PI4K2A: variants seen among roughly 807,000 people sequenced by gnomAD.
The protein encoded by PI4K2A is phosphatidylinositol 4-kinase type 2-alpha.
PI4K2A carries 20 observed loss-of-function variants against 55.0 expected under a neutral mutation model. The ratio of observed to expected loss-of-function variants is 0.36; its 90% CI spans 0.26 to 0.53. PI4K2A has a LOEUF of 0.53. Among genes scored for constraint, PI4K2A ranks in the 20% least tolerant of loss-of-function variants. The pLI, the probability that PI4K2A is intolerant of heterozygous loss-of-function variation, is 0.91. For missense variants in PI4K2A, 463 were observed against 637.1 expected (o/e 0.73, Z 2.94); for synonymous variants, 235 against 258.5 (o/e 0.91, Z 0.87).
At chr10:97,671,826 A>C (rs1189650944) in intron 8 of PI4K2A, among the ~76,000 whole-genome samples, 1 of 150,888 alleles carries the variant, frequency 6.6e-6, no homozygotes, top group Non-Finnish European at 1.5e-5. Flanking sequence ...TTTTGTAGAG[A>C]TGGGGTTTCT....
chr10:97,643,573 A>T (rs2041489472), intron 1 of PI4K2A, among the ~76,000 whole-genome samples: 3 of 152,126 alleles, frequency 2.0e-5, no homozygotes, highest in African/African-American at 7.2e-5. Context: ...TGATTTAGGG[A>T]TTCCAGTCTC....
intron 1 of PI4K2A, among the ~76,000 whole-genome samples, chr10:97,647,025 A>G (rs2041508361): frequency 6.6e-6 from 1 of 150,852 alleles, no homozygotes; most frequent in Non-Finnish European, 1.5e-5. Flanking sequence ...CAAATGATCC[A>G]CCTGCCTTGG....
At chr10:97,674,375 T>C (rs996528745) in exon 9 of PI4K2A, 1 of 152,278 alleles carries the variant, frequency 6.6e-6, no homozygotes, top group East Asian at 1.9e-4. Flanking sequence ...ACAGTTCTCC[T>C]GGAAGGGAGG....
exon 9 of PI4K2A, chr10:97,676,045 G>A (rs2041662867): frequency 1.3e-5 from 2 of 152,614 alleles, no homozygotes; most frequent in Non-Finnish European, 2.9e-5. Context: ...AACAAATACA[G>A]TTCTGACCTT....
At chr10:97,666,473 G>A in exon 7 of PI4K2A, 1 of 1,613,746 alleles carries the variant, frequency 6.2e-7, no homozygotes. Flanking sequence ...CCAGGCGAAA[G>A]TCCCATTTTC....
At chr10:97,648,592 CT>C (rs1471952600) in intron 1 of PI4K2A, among the ~76,000 whole-genome samples, 21 of 152,328 alleles carry the variant, frequency 1.4e-4, no homozygotes, top group African/African-American at 4.6e-4. Context: ...GTAGGAGTGT[CT>C]TGGCCTCCTT....
chr10:97,648,120 TA>T (rs1169541267), intron 1 of PI4K2A, among the ~76,000 whole-genome samples: 1 of 147,424 alleles, frequency 6.8e-6, no homozygotes, highest in African/African-American at 2.5e-5. Context: ...TTTGAGATGC[TA>T]TTTCGCTCAT....
chr10:97,645,956 A>G (rs1305137000), intron 1 of PI4K2A, among the ~76,000 whole-genome samples: 1 of 152,028 alleles, frequency 6.6e-6, no homozygotes, highest in African/African-American at 2.4e-5. Context: ...TTTTCCTCCA[A>G]CCTATACCAT....
intron 4 of PI4K2A, among the ~76,000 whole-genome samples, chr10:97,660,777 C>G (rs937389139): frequency 7.9e-5 from 12 of 151,502 alleles, no homozygotes; most frequent in African/African-American, 2.7e-4. Context: ...CTTCTCTGAC[C>G]CATAGTTTAC....
chr10:97,672,049 CTT>C (rs112040417), intron 8 of PI4K2A, among the ~76,000 whole-genome samples: 6 of 140,538 alleles, frequency 4.3e-5, no homozygotes, highest in South Asian at 2.2e-4. Flanking sequence ...TAATTTCTTT[CTT>C]TTTTTTTTTT....
At chr10:97,641,475 C>T (rs768895119) in intron 1 of PI4K2A, among the ~76,000 whole-genome samples, 16 of 152,186 alleles carry the variant, frequency 1.1e-4, no homozygotes, top group African/African-American at 1.7e-4. Context: ...AGACTGCTTT[C>T]TAGTAGGGTA....
chr10:97,673,504 CT>C (rs2041646386), intron 8 of PI4K2A, 76 bp from the exon 9 acceptor site: 1 of 1,234,350 alleles, frequency 8.1e-7, no homozygotes, highest in South Asian at 1.3e-5. Flanking sequence ...TAGGCGTCCT[CT>C]CTACTGATCT....
intron 1 of PI4K2A, among the ~76,000 whole-genome samples, chr10:97,648,632 A>G (rs1259709061): frequency 6.6e-6 from 1 of 152,228 alleles, no homozygotes; most frequent in Non-Finnish European, 1.5e-5. Flanking sequence ...ACTGAACTCC[A>G]TAATGTGCCT....
intron 8 of PI4K2A, 139 bp from the exon 9 acceptor site, chr10:97,673,442 G>T: frequency 1.7e-6 from 1 of 592,622 alleles, no homozygotes; most frequent in Non-Finnish European, 2.9e-6. Flanking sequence ...TTTTACTTTT[G>T]TAAATGGCCT....
intron 1 of PI4K2A, among the ~76,000 whole-genome samples, chr10:97,647,468 A>T (rs945537380): frequency 1.3e-5 from 2 of 152,216 alleles, no homozygotes; most frequent in African/African-American, 2.4e-5. Context: ...TGAGAAGAGT[A>T]TTCTTGATTA....
chr10:97,671,718 A>C (rs774037008), intron 8 of PI4K2A, among the ~76,000 whole-genome samples: 55 of 152,000 alleles, frequency 3.6e-4, no homozygotes, highest in Non-Finnish European at 7.4e-4. Context: ...CACCTCACTG[A>C]AACCTCCGCC....
chr10:97,647,652 A>G (rs2041511862), intron 1 of PI4K2A, among the ~76,000 whole-genome samples: 1 of 152,224 alleles, frequency 6.6e-6, no homozygotes, highest in Admixed American at 6.5e-5. Flanking sequence ...GCTTACACTT[A>G]GTCCTGAAAG....
intron 2 of PI4K2A, among the ~76,000 whole-genome samples, chr10:97,654,896 G>T (rs914149622): frequency 6.6e-6 from 1 of 151,760 alleles, no homozygotes; most frequent in African/African-American, 2.4e-5. Context: ...AGGCACATAG[G>T]GTAAACAGAG....
chr10:97,648,673 T>C lies in PI4K2A; in HGVS notation c.436-2268T>C, dbSNP rs578216285. Reference sequence around the variant, plus strand: ...GAACTGACTGTTGCGTTCTGGGACATGCTTCAAGTTGCCTTTTGGTTTCCC... The same window carrying C: ...GAACTGACTGTTGCGTTCTGGGACACGCTTCAAGTTGCCTTTTGGTTTCCC... On this transcript the variant is annotated intron_variant, in intron 1 of 8. Transcript: ENST00000370631. Among the ~76,000 whole-genome samples, 4 of 152,332 alleles carry C rather than the reference T, an allele frequency of 2.6e-5. No homozygotes were observed. The East Asian group carries it at 7.7e-4, about 29-fold the overall frequency.
Sources: gnomAD v4.1 joint callset for allele counts (sites outside exome capture counted in the v4.1 genomes callset) on GRCh38, gnomAD v4.1.1 for gene constraint, MANE v1.5 for transcripts, NCBI Gene and HGNC (gene_info 2026-07-23, HGNC 2026-07-21) for gene names.